WWP2: variants seen among roughly 807,000 people sequenced by gnomAD.
WWP2 encodes WW domain containing E3 ubiquitin protein ligase 2.
In WWP2, 57 loss-of-function variants were observed where a neutral mutation model predicts 121.0. The observed-to-expected ratio is 0.47, with a 90% CI of 0.38 to 0.59. WWP2 has a LOEUF of 0.59. Among genes scored for constraint, WWP2 ranks in the 20% least tolerant of loss-of-function variants. WWP2 has a pLI of 0.00. For missense variants in WWP2, 962 were observed against 1,158.9 expected, an observed-to-expected ratio of 0.83 and a Z score of 2.47; for synonymous variants, 449 against 441.3, an observed-to-expected ratio of 1.02 and a Z score of -0.22.
At chr16:69,871,102 A>G (rs7192584) in intron 6 of WWP2, among the ~76,000 whole-genome samples, 2,787 of 152,022 alleles carry the variant, frequency 0.018, 79 homozygotes, top group African/African-American at 0.064. Context: ...CCTTGGCAAC[A>G]TAGCAAGACC....
chr16:69,800,382 A>G (rs890638567), intron 4 of WWP2, among the ~76,000 whole-genome samples: 10 of 152,164 alleles, frequency 6.6e-5, no homozygotes, highest in African/African-American at 2.4e-4. Context: ...ATATTTGGAA[A>G]TATACTTGTG....
At chr16:69,779,360 A>G in intron 1 of WWP2, among the ~76,000 whole-genome samples, 1 of 152,264 alleles carries the variant, frequency 6.6e-6, no homozygotes, top group East Asian at 1.9e-4. Flanking sequence ...GGAACTCCAG[A>G]CAAAGCTCTA....
rs982237375 is a variant in WWP2 at position 69,902,614 on chromosome 16, A to G, written c.915-6147A>G. 3.9e-5 allele frequency among the ~76,000 whole-genome samples: 6 copies of G among 152,312 alleles called. No homozygotes were observed. In the South Asian group the frequency reaches 1.2e-3, roughly 32 times the overall value. On this transcript the variant is annotated intron_variant, in intron 8 of 23. Transcript: ENST00000359154. The stretch of plus-strand genomic sequence containing the variant: ...GAGATGACCCATGTGACCAAGATGC[A>G]GTGTTGAGACCCGTGGGTAGTTTGA...
At chr16:69,803,847 G>A (rs963409279) in intron 4 of WWP2, among the ~76,000 whole-genome samples, 1 of 152,172 alleles carries the variant, frequency 6.6e-6, no homozygotes, top group Non-Finnish European at 1.5e-5. Flanking sequence ...GGCGAAGGTT[G>A]CAGTGAGCTG....
chr16:69,860,121 A>G (rs1597068877), intron 6 of WWP2, among the ~76,000 whole-genome samples: 1 of 151,940 alleles, frequency 6.6e-6, no homozygotes, highest in Non-Finnish European at 1.5e-5. Context: ...GGATCACTTC[A>G]CCTTAGGAGT....
rs773149907 is a variant in WWP2, at chr16:69,925,434, C to T, written c.1184C>T (p.Ser395Leu). The change falls in exon 11 of 24, where the codon TCG becomes TTG. Residue 395 changes from serine (S) to leucine (L), a missense_variant. Ser to Leu is a moderately radical substitution (Grantham distance 145). Around this residue, in one of 3 missense-constraint regions of WWP2, gnomAD observed 606 missense variants for 772.6 expected, o/e 0.78. Coordinates refer to ENST00000359154, the MANE Select transcript of WWP2 (RefSeq NM_001270454.2). This position sits in a 1 kb window ranked among gnomAD's most constrained non-coding sequence, Gnocchi z 4.0. ...HFSQRFLYQS[S>L]SASTDHDPLG... ...TGCTGTGTTTCTTGTGTTTAGTCTT[C>T]GAGTGCTTCGACTGACCATGATCCC... The T allele has an allele frequency of 1.1e-5, 17 of 1,613,882 alleles. No homozygotes were observed. Among genetic ancestry groups the T allele is most frequent in the East Asian group, 2.2e-5 (1 of 44,884 alleles).
At chr16:69,779,032 C>T (rs1441913461) in intron 1 of WWP2, among the ~76,000 whole-genome samples, 1 of 150,744 alleles carries the variant, frequency 6.6e-6, no homozygotes, top group Non-Finnish European at 1.5e-5. Flanking sequence ...TCACTGCAAC[C>T]TCCACCTCCT....
chr16:69,940,128 A>G lies in WWP2; in HGVS notation c.*188A>G, dbSNP rs1178657016. 6.7e-6 allele frequency: 4 copies of G among 594,506 alleles called. No individual in the cohort carries two copies. The highest frequency in any genetic ancestry group is 5.6e-5 in the East Asian group (2 of 35,424). 36.8% of individuals were successfully genotyped at this position (594,506 alleles called of 1,614,324 possible). The stretch of plus-strand genomic sequence containing the variant: ...GCCCTGCAGTTCCCCCGACCCGCGG[A>G]TGGCAGTCTGGAATAAAGCCCCCTA... On this transcript the variant is annotated 3_prime_UTR_variant, in exon 24 of 24. Transcript: ENST00000359154.
chr16:69,801,296 A>G (rs994795106), intron 4 of WWP2, among the ~76,000 whole-genome samples: 1 of 147,448 alleles, frequency 6.8e-6, no homozygotes, highest in African/African-American at 2.5e-5. Flanking sequence ...CAGTGGTGCA[A>G]TCTCGGCTCA....
intron 3 of WWP2, 83 bp downstream of exon 3, chr16:69,798,912 T>G (rs1217683417): frequency 1.6e-5 from 25 of 1,554,532 alleles, no homozygotes; most frequent in Non-Finnish European, 2.2e-5. Context: ...GAGGTACAGA[T>G]TCCCTGTGGC....
At chr16:69,879,620 T>A (rs2057789914) in intron 7 of WWP2, among the ~76,000 whole-genome samples, 1 of 152,264 alleles carries the variant, frequency 6.6e-6, no homozygotes, top group Non-Finnish European at 1.5e-5. Flanking sequence ...TCCATTCATC[T>A]GTAGATGGAC....
At chr16:69,787,111 G>A in intron 2 of WWP2, 31 bp downstream of exon 2, 1 of 1,582,780 alleles carries the variant, frequency 6.3e-7, no homozygotes, top group South Asian at 1.2e-5. Flanking sequence ...TCTTCATCTT[G>A]TCTACGCCCA....
At chr16:69,874,016 G>T (rs1489073924) in intron 7 of WWP2, among the ~76,000 whole-genome samples, 38 of 152,230 alleles carry the variant, frequency 2.5e-4, no homozygotes, top group African/African-American at 7.7e-4. Context: ...CAAAAGCCAG[G>T]CGTCTCTAAC....
At chr16:69,769,392 A>G (rs774367312) in intron 1 of WWP2, among the ~76,000 whole-genome samples, 6 of 151,688 alleles carry the variant, frequency 4.0e-5, no homozygotes, top group Non-Finnish European at 5.9e-5. Flanking sequence ...GCCTGTTTCT[A>G]CAGCTGGTTA....
intron 6 of WWP2, among the ~76,000 whole-genome samples, chr16:69,860,439 A>G (rs754914703): frequency 2.6e-5 from 4 of 152,214 alleles, no homozygotes; most frequent in Non-Finnish European, 5.9e-5. Context: ...AGTGCCATAA[A>G]GGGAACAATT....
intron 10 of WWP2, 108 bp downstream of exon 10, chr16:69,917,991 T>G (rs2058501485): frequency 2.9e-6 from 4 of 1,384,898 alleles, no homozygotes; most frequent in Non-Finnish European, 1.9e-6. Flanking sequence ...AAACAGCGTC[T>G]GGCAACGTCA....
intron 8 of WWP2, among the ~76,000 whole-genome samples, chr16:69,888,903 G>A (rs1043697741): frequency 1.9e-4 from 29 of 152,038 alleles, no homozygotes; most frequent in Non-Finnish European, 2.8e-4. Flanking sequence ...ATATGGTTTC[G>A]CCCTGTTGGC....
chr16:69,855,715 G>A (rs2057297736), intron 6 of WWP2, among the ~76,000 whole-genome samples: 1 of 152,158 alleles, frequency 6.6e-6, no homozygotes. Flanking sequence ...CTGTTGGAAA[G>A]GCCTTAAGTT....
chr16:69,889,472 C>A (rs947947185), intron 8 of WWP2, among the ~76,000 whole-genome samples: 1 of 152,178 alleles, frequency 6.6e-6, no homozygotes, highest in Admixed American at 6.5e-5. Flanking sequence ...GTTTGAATCC[C>A]CCCACCATGT....
Sources: allele counts gnomAD v4.1 joint callset (sites outside exome capture counted in the v4.1 genomes callset), GRCh38; gene constraint gnomAD v4.1.1; regional missense constraint gnomAD v4.1.1; non-coding constraint Gnocchi (gnomAD v3.1); transcripts MANE v1.5; gene names NCBI Gene and HGNC (gene_info 2026-07-23, HGNC 2026-07-21).